Variants in PPP3R1 observed in about 807,000 individuals in gnomAD.
The protein encoded by PPP3R1 is protein phosphatase 3 regulatory subunit B, alpha, also known as calcineurin subunit B type 1.
PPP3R1 carries 5 observed loss-of-function variants against 22.6 expected under a neutral mutation model. The observed-to-expected ratio is 0.22, with a 90% CI of 0.12 to 0.46. PPP3R1 has a LOEUF of 0.46. Ranked by LOEUF, PPP3R1 falls within the 20% of genes least tolerant of loss-of-function variation. The pLI is 0.99. For synonymous variants in PPP3R1, 56 were observed against 65.2 expected (o/e 0.86, Z 0.68); for missense variants, 61 against 203.2 (o/e 0.30, Z 4.25).
At chr2:68,204,711 G>C (rs1440289588) in intron 2 of PPP3R1, among the ~76,000 whole-genome samples, 2 of 152,174 alleles carry the variant, frequency 1.3e-5, no homozygotes, top group Non-Finnish European at 2.9e-5. Flanking sequence ...TACCATTATG[G>C]ATTGTTATTA....
intron 1 of PPP3R1, among the ~76,000 whole-genome samples, chr2:68,241,843 C>CAA (rs35587118): frequency 3.1e-4 from 29 of 92,672 alleles, no homozygotes; most frequent in African/African-American, 8.3e-4. Context: ...GACTCCATCT[C>CAA]AAAAAAAAAA....
At chr2:68,211,406 C>CAA (rs3979551) in intron 2 of PPP3R1, among the ~76,000 whole-genome samples, 12 of 77,384 alleles carry the variant, frequency 1.6e-4, no homozygotes, top group African/African-American at 2.8e-4. Context: ...GACTCTGTCT[C>CAA]AAAAAAAAAA....
chr2:68,234,452 A>G (rs967630535), intron 1 of PPP3R1, among the ~76,000 whole-genome samples: 2 of 152,208 alleles, frequency 1.3e-5, no homozygotes, highest in Admixed American at 6.5e-5. Context: ...TCTTACCAAC[A>G]TATCATAAAG....
intron 1 of PPP3R1, among the ~76,000 whole-genome samples, chr2:68,241,320 T>C (rs752671863): frequency 1.3e-5 from 2 of 152,222 alleles, no homozygotes; most frequent in African/African-American, 2.4e-5. Flanking sequence ...TTTTTTATTT[T>C]TTTTCCCCAA....
At chr2:68,188,177 T>G (rs560392883) in intron 3 of PPP3R1, among the ~76,000 whole-genome samples, 1 of 151,808 alleles carries the variant, frequency 6.6e-6, no homozygotes, top group African/African-American at 2.4e-5. Context: ...CTCAAAAAAA[T>G]TAAATAAATA....
At chr2:68,206,059 C>G (rs1424306080) in intron 2 of PPP3R1, among the ~76,000 whole-genome samples, 2 of 152,116 alleles carry the variant, frequency 1.3e-5, no homozygotes, top group African/African-American at 2.4e-5. Context: ...CTCAGGTGAT[C>G]CGCCCGCCTC....
intron 1 of PPP3R1, among the ~76,000 whole-genome samples, chr2:68,244,679 CT>C (rs1449991663): frequency 1.3e-5 from 2 of 152,114 alleles, no homozygotes; most frequent in African/African-American, 4.8e-5. Context: ...ATATCCCCAT[CT>C]TTCTCTTACC....
chr2:68,236,924 T>C (rs1442928996), intron 1 of PPP3R1, among the ~76,000 whole-genome samples: 1 of 152,184 alleles, frequency 6.6e-6, no homozygotes, highest in Non-Finnish European at 1.5e-5. Context: ...TGCTCTTCTT[T>C]GGCCAGATGT....
intron 1 of PPP3R1, among the ~76,000 whole-genome samples, chr2:68,242,639 T>C (rs540372837): frequency 9.8e-5 from 15 of 152,294 alleles, no homozygotes; most frequent in African/African-American, 3.4e-4. Flanking sequence ...TGAACAAATA[T>C]GTAAGTACAG....
At chr2:68,227,920 A>T (rs1186828817) in intron 1 of PPP3R1, among the ~76,000 whole-genome samples, 2 of 152,100 alleles carry the variant, frequency 1.3e-5, no homozygotes, top group Admixed American at 6.5e-5. Flanking sequence ...TGCAAACGGG[A>T]TCCGTTTTTC....
At chr2:68,195,102 T>C (rs1674740203) in intron 2 of PPP3R1, among the ~76,000 whole-genome samples, 1 of 152,180 alleles carries the variant, frequency 6.6e-6, no homozygotes, top group South Asian at 2.1e-4. Flanking sequence ...TGTTGATAAC[T>C]GTACTATAAT....
At chr2:68,219,898 T>C (rs980861352) in intron 1 of PPP3R1, among the ~76,000 whole-genome samples, 5 of 152,228 alleles carry the variant, frequency 3.3e-5, no homozygotes, top group Admixed American at 6.5e-5. Context: ...CACTTGTTGA[T>C]GAGGTCCTTA....
intron 1 of PPP3R1, among the ~76,000 whole-genome samples, chr2:68,249,434 T>A (rs912364505): frequency 4.6e-5 from 7 of 152,014 alleles, no homozygotes; most frequent in East Asian, 1.9e-4. Context: ...TAAAAAAAAA[T>A]TTAAAAGTTT....
chr2:68,182,636 T>C (rs1368528801), intron 5 of PPP3R1, among the ~76,000 whole-genome samples: 1 of 134,172 alleles, frequency 7.5e-6, no homozygotes, highest in African/African-American at 2.9e-5. Context: ...ACCAACATGG[T>C]GAAACCAGGT....
chr2:68,197,056 G>C (rs931883492), intron 2 of PPP3R1, among the ~76,000 whole-genome samples: 1 of 152,132 alleles, frequency 6.6e-6, no homozygotes, highest in Non-Finnish European at 1.5e-5. Context: ...AGCCAACTTT[G>C]AGGAATAACT....
intron 2 of PPP3R1, 81 bp downstream of exon 2, chr2:68,217,011 T>TGC: frequency 2.6e-6 from 2 of 771,118 alleles, no homozygotes; most frequent in Middle Eastern, 2.5e-4. Flanking sequence ...AGAGGTATGA[T>TGC]ACACACACAC....
chr2:68,205,242 CTTTT>C lies in PPP3R1; in HGVS notation c.43+11846_43+11849del, dbSNP rs397984912. On this transcript the variant is annotated intron_variant, in intron 2 of 5. Coordinates refer to ENST00000234310, the MANE Select transcript of PPP3R1 (RefSeq NM_000945.4). ...TTTCCTTGTAAGTAATCAGTATTATCTTTTTTTTTTTTTTTTTTTGAAACGGCGT... is the reference window on the plus strand; with the variant it reads ...TTTCCTTGTAAGTAATCAGTATTATCTTTTTTTTTTTTTTTGAAACGGCGT... Among the ~76,000 whole-genome samples the C allele has an allele frequency of 2.4e-3, 293 of 123,464 alleles. 1 individual carries two copies. Among genetic ancestry groups the C allele is most frequent in the Middle Eastern group, 8.8e-3 (2 of 226 alleles). 81.0% of individuals were successfully genotyped at this position (123,464 alleles called of 152,430 possible). A position where few individuals can be genotyped will look rare whatever the true frequency, so the allele number is the denominator to read the frequency against.
intron 2 of PPP3R1, among the ~76,000 whole-genome samples, chr2:68,215,329 C>G (rs930997111): frequency 2.6e-5 from 4 of 152,060 alleles, no homozygotes; most frequent in Non-Finnish European, 4.4e-5. Flanking sequence ...CAAAACCCCC[C>G]CCAAAATTCA....
intron 2 of PPP3R1, among the ~76,000 whole-genome samples, chr2:68,190,584 A>AC (rs1674645144): frequency 1.3e-5 from 2 of 151,906 alleles, no homozygotes; most frequent in African/African-American, 4.8e-5. Flanking sequence ...AAACAAAAAA[A>AC]ACCCCTCAAT....
Sources: gnomAD v4.1 joint callset for allele counts (sites outside exome capture counted in the v4.1 genomes callset) on GRCh38, gnomAD v4.1.1 for gene constraint, MANE v1.5 for transcripts, NCBI Gene and HGNC (gene_info 2026-07-23, HGNC 2026-07-21) for gene names.